NFE2L1: variants seen among roughly 807,000 people sequenced by gnomAD.
NFE2L1 encodes the protein NFE2 like bZIP transcription factor 1.
Under a neutral mutation model 61.6 loss-of-function variants are expected in NFE2L1, and 18 were observed. That is an observed-to-expected ratio of 0.29 (90% CI 0.20 to 0.43). The LOEUF is 0.43. NFE2L1 is among the 20% of genes least tolerant of loss of function. NFE2L1 has a pLI of 1.00. For missense variants in NFE2L1, 827 were observed against 973.5 expected (o/e 0.85, Z 2.00); for synonymous variants, 419 against 402.7 (o/e 1.04, Z -0.48).
At chr17:48,055,525 G>T (rs1432539765) in intron 2 of NFE2L1, among the ~76,000 whole-genome samples, 1 of 151,864 alleles carries the variant, frequency 6.6e-6, no homozygotes, top group East Asian at 1.9e-4. Flanking sequence ...CAGTGATGGG[G>T]TTTATGTCCT....
At chr17:48,054,809 G>A (rs1022958229) in intron 2 of NFE2L1, 2 of 1,334,594 alleles carry the variant, frequency 1.5e-6, no homozygotes, top group Non-Finnish European at 1.9e-6. Context: ...AACTGGGGTT[G>A]TGAGGTGGGA....
At position 48,051,402 on chromosome 17, in the gene NFE2L1, T is replaced by G. The variant is rs760714985; in HGVS notation, c.284T>G (p.Val95Gly). ...GTGAGGGCCCTGGACAGGTTCCAGG[T>G]GCCAACCACTGAGGTAAATGCCTGG... ...SQVRALDRFQVPTTEVNAWLV... is the reference protein window; with the variant it reads ...SQVRALDRFQGPTTEVNAWLV... Residue 95 changes from valine (V) to glycine (G), a missense_variant, in exon 2 of 6, where the codon GTG (valine) becomes GGG (glycine). Physicochemically the swap from Val to Gly is moderately radical, Grantham distance 109 (BLOSUM62 -3). Coordinates refer to ENST00000362042, the MANE Select transcript of NFE2L1 (RefSeq NM_003204.3). The G allele has an allele frequency of 6.2e-7, 1 of 1,613,958 alleles. No homozygotes were observed. Among genetic ancestry groups the G allele is most frequent in the Non-Finnish European group, 8.5e-7 (1 of 1,180,016 alleles).
In NFE2L1 at chr17:48,056,611, C is replaced by T. The variant is rs1406066556; in HGVS notation, c.723+13C>T. ...CTTCCCTGCACAGGTACCATCGCCC[C>T]TGCTCACTGGGCTCTCTTCTTGTCC... On this transcript the variant is annotated intron_variant, in intron 3 of 5. Coordinates refer to ENST00000362042, the MANE Select transcript of NFE2L1 (RefSeq NM_003204.3). 3 of 1,611,476 alleles carry T rather than the reference C, an allele frequency of 1.9e-6. No individual in the cohort carries two copies. Among genetic ancestry groups the T allele is most frequent in the South Asian group, 1.1e-5 (1 of 90,996 alleles).
Position 48,050,651 on chromosome 17 carries a change from C to T in NFE2L1, c.-468C>T. The T allele has an allele frequency of 2.3e-6, 1 of 429,006 alleles. No homozygotes were observed. Among genetic ancestry groups the T allele is most frequent in the Non-Finnish European group, 4.1e-6 (1 of 242,762 alleles). The allele number at this position is 429,006 out of a possible 1,614,324, so 26.6% of individuals were successfully genotyped here. A position where few individuals can be genotyped will look rare whatever the true frequency, so the allele number is the denominator to read the frequency against. On this transcript the variant is annotated 5_prime_UTR_variant, in exon 2 of 6. Coordinates refer to ENST00000362042, the MANE Select transcript of NFE2L1 (RefSeq NM_003204.3). ...TGGTAAGTGTGGAGGAGGCGGGACA[C>T]TCTGACCCAAGACGAAAGGCCTGTA...
rs369444540 is a variant in NFE2L1, at chr17:48,057,003, A to C, written c.724-29A>C. On this transcript the variant is annotated intron_variant, in intron 3 of 5. Transcript: ENST00000362042. The stretch of plus-strand genomic sequence containing the variant: ...GCCCCAGGCAGCCAAGGCCCAGGTC[A>C]ATCAGACTTACAGTTCCTGTTGCCA... The C allele has an allele frequency of 2.2e-5, 36 of 1,611,954 alleles. No homozygotes were observed. In the African/African-American group the frequency reaches 4.4e-4, roughly 20 times the overall value.
chr17:48,053,693 C>T (rs1181717524), intron 2 of NFE2L1, among the ~76,000 whole-genome samples: 1 of 152,134 alleles, frequency 6.6e-6, no homozygotes, highest in African/African-American at 2.4e-5. Context: ...AGGGGAGCAG[C>T]AGTGGGGAGG....
At chr17:48,057,531 T>C in intron 5 of NFE2L1, 29 bp downstream of exon 5, 1 of 1,598,316 alleles carries the variant, frequency 6.3e-7, no homozygotes, top group Non-Finnish European at 8.5e-7. Context: ...GGCACAAACC[T>C]ATTGGATTTT....
rs1013733201 is a variant in NFE2L1 at position 48,051,435 on chromosome 17, A to G, written c.317A>G (p.His106Arg). ...PTTEVNAWLV[H>R]RDPEGSVSGS... ...ACTGAGGTAAATGCCTGGCTGGTTC[A>G]CCGAGACCCAGAGGGGTCTGTCTCT... The change falls in exon 2 of 6, where the codon CAC (histidine) becomes CGC (arginine). Residue 106 changes from histidine (H) to arginine (R), a missense_variant. Physicochemically the swap from His to Arg is conservative, Grantham distance 29. Coordinates refer to ENST00000362042, the MANE Select transcript of NFE2L1 (RefSeq NM_003204.3). The G allele has an allele frequency of 3.1e-6, 5 of 1,614,062 alleles. No individual in the cohort carries two copies. The African/African-American group carries it at 6.7e-5, about 22-fold the overall frequency.
chr17:48,050,522 C>T, intron 1 of NFE2L1, 85 bp from the exon 2 acceptor site: 1 of 400,810 alleles, frequency 2.5e-6, no homozygotes, highest in Non-Finnish European at 4.4e-6. Context: ...TGTTTTCTAC[C>T]TTCTACTGTG....
At position 48,050,714 on chromosome 17, in the gene NFE2L1, GA is replaced by G. The variant is rs796571276; in HGVS notation, c.-395del. 8.2e-4 allele frequency: 351 copies of G among 429,528 alleles called. No homozygotes were observed. The highest frequency in any genetic ancestry group is 2.4e-3 in the South Asian group (38 of 15,658). The allele number at this position is 429,528 out of a possible 1,614,324, so 26.6% of individuals were successfully genotyped here. A position where few individuals can be genotyped will look rare whatever the true frequency, so the allele number is the denominator to read the frequency against. ...GAAAATAAACCTTAGGAGGGAGAAGGAAAAAAAAAATCCATCAGCTGTTCCT... is the reference window on the plus strand; with the variant it reads ...GAAAATAAACCTTAGGAGGGAGAAGGAAAAAAAAATCCATCAGCTGTTCCT... On this transcript the variant is annotated 5_prime_UTR_variant, in exon 2 of 6. Coordinates refer to ENST00000362042, the MANE Select transcript of NFE2L1 (RefSeq NM_003204.3).
intron 2 of NFE2L1, chr17:48,055,974 G>A (rs996300677): frequency 2.7e-5 from 5 of 183,186 alleles, no homozygotes; most frequent in Admixed American, 1.6e-4. Flanking sequence ...ATGACAATTC[G>A]CTCTTGCTTG....
chr17:48,054,537 C>T (rs2037339611), intron 2 of NFE2L1: 7 of 1,188,892 alleles, frequency 5.9e-6, no homozygotes, highest in Non-Finnish European at 7.3e-6. Context: ...GCTCTTTGCG[C>T]AGCCCAGCTG....
Position 48,058,971 on chromosome 17 carries a change from A to C in NFE2L1, c.1649A>C (p.Lys550Thr), listed in dbSNP as rs751330569. 1.2e-6 allele frequency: 2 copies of C among 1,613,844 alleles called. No homozygotes were observed. Among genetic ancestry groups the C allele is most frequent in the South Asian group, 1.1e-5 (1 of 91,080 alleles). Residue 550 changes from lysine to threonine, a missense_variant, in exon 6 of 6, where the codon AAG (lysine) becomes ACG (threonine). Physicochemically the swap from Lys to Thr is moderately conservative, Grantham distance 78. Around this residue, in one of 3 missense-constraint regions of NFE2L1, gnomAD observed 667 missense variants for 748.4 expected, o/e 0.89. Transcript: ENST00000362042. ...GAVGYQPEYS[K>T]FCRMSYQDPA... Reference sequence around the variant, plus strand: ...GTGGGCTACCAGCCTGAGTATTCCAAGTTCTGCCGCATGAGCTACCAGGAT... The same window carrying C: ...GTGGGCTACCAGCCTGAGTATTCCACGTTCTGCCGCATGAGCTACCAGGAT...
intron 2 of NFE2L1, chr17:48,055,155 G>T (rs780227689): frequency 2.2e-5 from 30 of 1,370,582 alleles, no homozygotes; most frequent in Middle Eastern, 1.9e-4. Flanking sequence ...GTTCAGGTTG[G>T]TGTATGTGGG....
intron 2 of NFE2L1, chr17:48,054,683 C>T: frequency 1.6e-6 from 2 of 1,290,204 alleles, no homozygotes; most frequent in African/African-American, 3.1e-5. Flanking sequence ...GGAGGATAGG[C>T]CCAGGAGGGA....
chr17:48,054,550 G>C, intron 2 of NFE2L1: 1 of 1,204,398 alleles, frequency 8.3e-7, no homozygotes, highest in Non-Finnish European at 1.0e-6. Context: ...CCCAGCTGCT[G>C]ACCTGGGGGA....
In NFE2L1 at chr17:48,051,029, C is replaced by T; in HGVS notation, c.-90C>T. On this transcript the variant is annotated 5_prime_UTR_variant, in exon 2 of 6. Coordinates refer to ENST00000362042, the MANE Select transcript of NFE2L1 (RefSeq NM_003204.3). ...GGGGTTTGACACTGAGGAGGGTAAC[C>T]TGCTGGCTGGAGCGGCAGAGCAGTG... is the stretch of plus-strand genomic sequence containing the variant. The T allele has an allele frequency of 1.3e-6, 2 of 1,536,764 alleles. No homozygotes were observed. The highest frequency in any genetic ancestry group is 1.8e-6 in the Non-Finnish European group (2 of 1,122,758).
In NFE2L1 at chr17:48,060,664, A is replaced by G. The variant is rs1000489262; in HGVS notation, c.*1023A>G. On this transcript the variant is annotated 3_prime_UTR_variant, in exon 6 of 6. Coordinates refer to ENST00000362042, the MANE Select transcript of NFE2L1 (RefSeq NM_003204.3). Reference sequence around the variant, plus strand: ...GAGGCAGAGGAATGATGGAGAATCTAGTGTAGCAGCCTCCAGGCAGGATTC... The same window carrying G: ...GAGGCAGAGGAATGATGGAGAATCTGGTGTAGCAGCCTCCAGGCAGGATTC... 6.5e-6 allele frequency: 1 copy of G among 152,674 alleles called. No homozygotes were observed. Among genetic ancestry groups the G allele is most frequent in the Non-Finnish European group, 1.5e-5 (1 of 68,084 alleles). 9.5% of individuals were successfully genotyped at this position (152,674 alleles called of 1,614,324 possible).
Position 48,049,377 on chromosome 17 carries a change from TC to T in NFE2L1, c.-513+917del, listed in dbSNP as rs541337299. On this transcript the variant is annotated intron_variant, in intron 1 of 5. Coordinates refer to ENST00000362042, the MANE Select transcript of NFE2L1 (RefSeq NM_003204.3). Reference sequence around the variant, plus strand: ...CCACCATCCCTCTCCTTTTTTTCTTTCCTTTTCTTTTCTTTCTTTTTTTTCT... The same window carrying T: ...CCACCATCCCTCTCCTTTTTTTCTTTCTTTTCTTTTCTTTCTTTTTTTTCT... Among the ~76,000 whole-genome samples the T allele has an allele frequency of 1.4e-4, 22 of 152,194 alleles. No homozygotes were observed. The East Asian group carries it at 3.1e-3, about 21-fold the overall frequency.
Sources: allele counts gnomAD v4.1 joint callset (sites outside exome capture counted in the v4.1 genomes callset), GRCh38; gene constraint gnomAD v4.1.1; regional missense constraint gnomAD v4.1.1; transcripts MANE v1.5; gene names NCBI Gene and HGNC (gene_info 2026-07-23, HGNC 2026-07-21).